The following SGCZ variants were observed in gnomAD, a reference collection of about 807,000 sequenced individuals.
The protein encoded by SGCZ is zeta-sarcoglycan.
In SGCZ, 40 loss-of-function variants were observed where a neutral mutation model predicts 41.3. The ratio of observed to expected loss-of-function variants is 0.97; its 90% CI spans 0.75 to 1.26. The LOEUF (loss-of-function observed/expected upper bound fraction) is 1.26. Ranked by LOEUF, SGCZ falls within the 50% of genes most tolerant of loss-of-function variation. The pLI is 0.00. For missense variants in SGCZ, 552 were observed against 369.8 expected (o/e 1.49, Z -4.04); for synonymous variants, 206 against 137.5 (o/e 1.50, Z -3.49).
intron 1 of SGCZ, among the ~76,000 whole-genome samples, chr8:14,592,103 T>C (rs1053948516): frequency 6.6e-6 from 1 of 152,144 alleles, no homozygotes; most frequent in Non-Finnish European, 1.5e-5. Flanking sequence ...CCAGGAAAAT[T>C]TTGCTTTTCC....
chr8:15,222,633 T>C (rs1015928964), intron 1 of SGCZ, among the ~76,000 whole-genome samples: 17 of 152,160 alleles, frequency 1.1e-4, no homozygotes, highest in African/African-American at 3.4e-4. Flanking sequence ...GGTAAATAAT[T>C]ATATTTATGA....
At chr8:14,562,953 T>A (rs1435775923) in intron 1 of SGCZ, among the ~76,000 whole-genome samples, 2 of 152,198 alleles carry the variant, frequency 1.3e-5, no homozygotes, top group African/African-American at 4.8e-5. Flanking sequence ...TCAACTGGGC[T>A]ACCCAAAGGA....
chr8:15,160,929 C>A (rs2117040766), intron 1 of SGCZ, among the ~76,000 whole-genome samples: 1 of 152,306 alleles, frequency 6.6e-6, no homozygotes, highest in East Asian at 1.9e-4. Flanking sequence ...ATCTGGTGTG[C>A]AGCCACTACA....
chr8:14,980,111 G>T (rs1801612158), intron 1 of SGCZ, among the ~76,000 whole-genome samples: 1 of 152,316 alleles, frequency 6.6e-6, no homozygotes, highest in Non-Finnish European at 1.5e-5. Flanking sequence ...GAGGGCTTGT[G>T]CTTTCTGGTG....
chr8:14,468,474 G>T (rs374990396), intron 2 of SGCZ, among the ~76,000 whole-genome samples: 1 of 151,910 alleles, frequency 6.6e-6, no homozygotes, highest in Non-Finnish European at 1.5e-5. Flanking sequence ...TTTTTAAAAT[G>T]GCTTATAGCT....
intron 1 of SGCZ, among the ~76,000 whole-genome samples, chr8:14,826,154 A>T (rs1361026253): frequency 1.4e-5 from 2 of 140,318 alleles, no homozygotes; most frequent in Non-Finnish European, 3.0e-5. Context: ...TCATTGTTCA[A>T]TTCCCACCTA....
chr8:14,302,661 C>T (rs887711776), intron 3 of SGCZ, among the ~76,000 whole-genome samples: 1 of 152,222 alleles, frequency 6.6e-6, no homozygotes, highest in East Asian at 1.9e-4. Flanking sequence ...ATTCCAAAGG[C>T]CTGCCGAATA....
At chr8:15,132,090 GC>G (rs1246461543) in intron 1 of SGCZ, among the ~76,000 whole-genome samples, 2 of 152,094 alleles carry the variant, frequency 1.3e-5, no homozygotes, top group Non-Finnish European at 2.9e-5. Context: ...TGTTCATTTT[GC>G]TTACTTAAAG....
At chr8:14,651,187 T>A (rs1807385517) in intron 1 of SGCZ, among the ~76,000 whole-genome samples, 1 of 152,026 alleles carries the variant, frequency 6.6e-6, no homozygotes, top group Admixed American at 6.6e-5. Context: ...CACTATGAGA[T>A]AAACAAAATA....
intron 2 of SGCZ, among the ~76,000 whole-genome samples, chr8:14,428,239 C>A (rs957916391): frequency 1.3e-5 from 2 of 151,256 alleles, no homozygotes; most frequent in African/African-American, 4.9e-5. Flanking sequence ...CATATGTAAA[C>A]CTATATAATA....
At chr8:14,583,335 C>T (rs1273719180) in intron 1 of SGCZ, among the ~76,000 whole-genome samples, 23 of 152,032 alleles carry the variant, frequency 1.5e-4, no homozygotes, top group East Asian at 5.8e-4. Context: ...TCATGTCCTT[C>T]GCCCACTTTT....
At chr8:14,950,742 T>A (rs1800604219) in intron 1 of SGCZ, among the ~76,000 whole-genome samples, 1 of 152,082 alleles carries the variant, frequency 6.6e-6, no homozygotes, top group Non-Finnish European at 1.5e-5. Flanking sequence ...AAGCAATACA[T>A]AAGAGTTGAA....
At chr8:15,203,320 G>A (rs945185332) in intron 1 of SGCZ, among the ~76,000 whole-genome samples, 7 of 151,922 alleles carry the variant, frequency 4.6e-5, no homozygotes, top group Non-Finnish European at 1.0e-4. Context: ...TTTCTCCTGG[G>A]ATAACAAAAT....
At chr8:14,510,228 T>A (rs1802429339) in intron 2 of SGCZ, among the ~76,000 whole-genome samples, 1 of 152,128 alleles carries the variant, frequency 6.6e-6, no homozygotes, top group African/African-American at 2.4e-5. Context: ...AAATTGTTCT[T>A]TTATGGAAGT....
intron 2 of SGCZ, among the ~76,000 whole-genome samples, chr8:14,344,604 G>A (rs1186475470): frequency 6.6e-6 from 1 of 152,032 alleles, no homozygotes; most frequent in Admixed American, 6.6e-5. Context: ...GAAAAGGGGG[G>A]AACGAAAGGC....
intron 2 of SGCZ, among the ~76,000 whole-genome samples, chr8:14,332,337 AGGTTGG>A (rs1802360517): frequency 1.3e-5 from 2 of 152,086 alleles, no homozygotes; most frequent in Admixed American, 6.6e-5. Flanking sequence ...GCTACTCAGG[AGGTTGG>A]GGCAGGAGAA....
chr8:14,230,371 C>G (rs891753801), intron 4 of SGCZ, among the ~76,000 whole-genome samples: 2 of 152,042 alleles, frequency 1.3e-5, no homozygotes, highest in Admixed American at 1.3e-4. Flanking sequence ...TACTATGCTC[C>G]AGGAAGCGTT....
chr8:15,131,311 T>C (rs896949199), intron 1 of SGCZ, among the ~76,000 whole-genome samples: 10 of 152,166 alleles, frequency 6.6e-5, no homozygotes, highest in African/African-American at 2.2e-4. Context: ...CTGATGGTCT[T>C]ATAAGGGGTT....
chr8:14,847,949 A>G (rs1424269350), intron 1 of SGCZ, among the ~76,000 whole-genome samples: 3 of 152,152 alleles, frequency 2.0e-5, no homozygotes, highest in African/African-American at 7.2e-5. Context: ...GAAAACAAAG[A>G]TGTCATTATT....
Sources: gnomAD v4.1 joint callset for allele counts (sites outside exome capture counted in the v4.1 genomes callset) on GRCh38, gnomAD v4.1.1 for gene constraint, MANE v1.5 for transcripts, NCBI Gene and HGNC (gene_info 2026-07-23, HGNC 2026-07-21) for gene names.